The following MARCHF1 variants were observed in gnomAD, a reference collection of about 807,000 sequenced individuals.
MARCHF1 encodes E3 ubiquitin-protein ligase MARCHF1.
Under a neutral mutation model 54.2 loss-of-function variants are expected in MARCHF1, and 40 were observed. That is an observed-to-expected ratio of 0.74 (90% CI 0.57 to 0.96). The LOEUF is 0.96. Ranked by LOEUF, MARCHF1 falls within the 40% of genes least tolerant of loss-of-function variation. The pLI, the probability that MARCHF1 is intolerant of heterozygous loss-of-function variation, is 0.00. For synonymous variants in MARCHF1, 236 were observed against 236.3 expected, an observed-to-expected ratio of 1.00 and a Z score of 0.01; for missense variants, 586 against 656.5, an observed-to-expected ratio of 0.89 and a Z score of 1.17.
chr4:163,672,656 T>C (rs1743776802), intron 5 of MARCHF1, among the ~76,000 whole-genome samples: 1 of 152,242 alleles, frequency 6.6e-6, no homozygotes, highest in South Asian at 2.1e-4. Flanking sequence ...TTGAAAACTA[T>C]ATTTTCCTAT....
intron 1 of MARCHF1, among the ~76,000 whole-genome samples, chr4:164,251,139 TTA>T (rs1397021407): frequency 1.3e-5 from 2 of 152,154 alleles, no homozygotes; most frequent in African/African-American, 4.8e-5. Flanking sequence ...AGTATAAACT[TTA>T]TGTTCTTCTC....
intron 5 of MARCHF1, among the ~76,000 whole-genome samples, chr4:163,648,843 A>G (rs1242090007): frequency 6.6e-6 from 1 of 151,942 alleles, no homozygotes; most frequent in African/African-American, 2.4e-5. Context: ...CAAACGCACA[A>G]TGACAACAAT....
At chr4:164,213,583 C>T (rs1486520070) in intron 1 of MARCHF1, among the ~76,000 whole-genome samples, 1 of 151,742 alleles carries the variant, frequency 6.6e-6, no homozygotes, top group Non-Finnish European at 1.5e-5. Flanking sequence ...CTACAGACAA[C>T]AAAACAGGAA....
intron 5 of MARCHF1, among the ~76,000 whole-genome samples, chr4:163,634,353 T>C (rs1742229603): frequency 1.3e-5 from 2 of 149,650 alleles, no homozygotes; most frequent in Admixed American, 1.3e-4. Context: ...AGGAAACCCA[T>C]CTCATGTGCA....
intron 2 of MARCHF1, among the ~76,000 whole-genome samples, chr4:164,090,697 G>A (rs554964480): frequency 3.3e-5 from 5 of 152,154 alleles, no homozygotes; most frequent in African/African-American, 4.8e-5. Context: ...AGGATTAAGA[G>A]ATCTTATTGA....
At chr4:164,164,445 A>T (rs1433859007) in intron 1 of MARCHF1, among the ~76,000 whole-genome samples, 1 of 152,026 alleles carries the variant, frequency 6.6e-6, no homozygotes, top group African/African-American at 2.4e-5. Context: ...TTTTATGAAC[A>T]TTATGAAATC....
intron 1 of MARCHF1, among the ~76,000 whole-genome samples, chr4:164,212,846 A>T (rs1377129929): frequency 6.6e-6 from 1 of 152,144 alleles, no homozygotes; most frequent in Non-Finnish European, 1.5e-5. Context: ...AACGAGGCCC[A>T]CCAAGGTATT....
At chr4:163,937,127 T>C (rs763554158) in intron 3 of MARCHF1, among the ~76,000 whole-genome samples, 16 of 152,162 alleles carry the variant, frequency 1.1e-4, no homozygotes, top group Admixed American at 7.2e-4. Context: ...TCTATTTCAG[T>C]TACAGTCCCA....
chr4:164,205,522 T>C (rs1731582437), intron 1 of MARCHF1, among the ~76,000 whole-genome samples: 1 of 152,166 alleles, frequency 6.6e-6, no homozygotes, highest in African/African-American at 2.4e-5. Context: ...ATTGATTGCC[T>C]AAGAAAAAGA....
chr4:163,824,803 A>G (rs1469833758), intron 4 of MARCHF1, among the ~76,000 whole-genome samples: 7 of 109,210 alleles, frequency 6.4e-5, no homozygotes, highest in Non-Finnish European at 1.0e-4. Context: ...AGAAAAAAAC[A>G]AACAACCCCA....
chr4:164,268,450 C>G (rs1426369233), intron 1 of MARCHF1, among the ~76,000 whole-genome samples: 1 of 152,098 alleles, frequency 6.6e-6, no homozygotes, highest in Non-Finnish European at 1.5e-5. Flanking sequence ...TGATGGCTTG[C>G]AGAATTCTTT....
At chr4:163,679,424 C>G (rs1744023510) in intron 5 of MARCHF1, among the ~76,000 whole-genome samples, 1 of 152,076 alleles carries the variant, frequency 6.6e-6, no homozygotes, top group South Asian at 2.1e-4. Flanking sequence ...CATCTTCATC[C>G]CGGTAATAAA....
rs956663152 is a variant in MARCHF1, at chr4:163,634,426, A to G, written c.163-21033T>C. Reference sequence around the variant, plus strand: ...GATCTACCAAGCAAATGGAAAACAAAAAAAGGCAGGGGTTGCAATCCTAGT... The same window carrying G: ...GATCTACCAAGCAAATGGAAAACAAGAAAAGGCAGGGGTTGCAATCCTAGT... On this transcript the variant is annotated intron_variant, in intron 5 of 9. Coordinates refer to ENST00000514618, the MANE Select transcript of MARCHF1 (RefSeq NM_001394959.1). Among the ~76,000 whole-genome samples the G allele has an allele frequency of 4.7e-3, 690 of 145,954 alleles. 3 individuals carry two copies. Among genetic ancestry groups the G allele is most frequent in the South Asian group, 7.8e-3 (34 of 4,384 alleles).
At chr4:163,945,939 T>A (rs1022494266) in intron 3 of MARCHF1, among the ~76,000 whole-genome samples, 2 of 152,046 alleles carry the variant, frequency 1.3e-5, no homozygotes, top group African/African-American at 4.8e-5. Flanking sequence ...GCTTCCCTAG[T>A]TTTTAGGTCT....
intron 5 of MARCHF1, among the ~76,000 whole-genome samples, chr4:163,667,535 T>G (rs1743584648): frequency 6.6e-6 from 1 of 152,164 alleles, no homozygotes; most frequent in South Asian, 2.1e-4. Flanking sequence ...ATGTGAGAAG[T>G]CTCTGGAATA....
intron 7 of MARCHF1, among the ~76,000 whole-genome samples, chr4:163,587,838 CT>C (rs906397750): frequency 6.7e-6 from 1 of 150,008 alleles, no homozygotes; most frequent in African/African-American, 2.5e-5. Flanking sequence ...TACATAATTG[CT>C]TTTTTTGAGC....
intron 1 of MARCHF1, among the ~76,000 whole-genome samples, chr4:164,379,695 A>C (rs1731310527): frequency 1.3e-5 from 2 of 152,316 alleles, no homozygotes; most frequent in African/African-American, 4.8e-5. Flanking sequence ...CAAAAGAATA[A>C]CAAATGTTGG....
intron 8 of MARCHF1, among the ~76,000 whole-genome samples, chr4:163,556,828 G>A (rs1739307812): frequency 6.6e-6 from 1 of 150,534 alleles, no homozygotes; most frequent in South Asian, 2.1e-4. Context: ...ATTTGAATTT[G>A]TTTTTGGCAC....
chr4:163,677,653 C>T (rs575511838), intron 5 of MARCHF1, among the ~76,000 whole-genome samples: 2 of 152,200 alleles, frequency 1.3e-5, no homozygotes, highest in Non-Finnish European at 2.9e-5. Context: ...TTCAGCAACA[C>T]TTTACATCAT....
Sources: allele counts gnomAD v4.1 joint callset (sites outside exome capture counted in the v4.1 genomes callset), GRCh38; gene constraint gnomAD v4.1.1; transcripts MANE v1.5; gene names NCBI Gene and HGNC (gene_info 2026-07-23, HGNC 2026-07-21).